PRLR: variants seen among roughly 807,000 people sequenced by gnomAD.
The protein encoded by PRLR is hPRL receptor.
A neutral mutation model predicts 40.2 loss-of-function variants in PRLR; 13 were observed. That is an observed-to-expected ratio of 0.32 (90% CI 0.21 to 0.51). PRLR has a LOEUF of 0.51. Ranked by LOEUF, PRLR falls within the 20% of genes least tolerant of loss-of-function variation. The pLI is 0.97. For synonymous variants in PRLR, 269 were observed against 278.7 expected (o/e 0.97, Z 0.35); for missense variants, 656 against 747.3 (o/e 0.88, Z 1.42).
intron 1 of PRLR, among the ~76,000 whole-genome samples, chr5:35,171,325 T>G (rs1579760567): frequency 6.6e-6 from 1 of 152,218 alleles, no homozygotes; most frequent in South Asian, 2.1e-4. Flanking sequence ...TCCAGAGAAA[T>G]TTACCATTGG....
intron 2 of PRLR, among the ~76,000 whole-genome samples, chr5:35,106,320 A>G (rs1298143167): frequency 6.6e-6 from 1 of 152,232 alleles, no homozygotes; most frequent in African/African-American, 2.4e-5. Flanking sequence ...TGCATCAACT[A>G]ATAAGCAAAA....
rs4331870 is a variant in PRLR at position 35,143,536 on chromosome 5, A to C, written c.-105-25414T>G. Among the ~76,000 whole-genome samples, 309 of 152,248 alleles carry C rather than the reference A, an allele frequency of 2.0e-3. 10 individuals carry two copies. In the East Asian group the frequency reaches 0.052, roughly 26 times the overall value. On this transcript the variant is annotated intron_variant, in intron 1 of 9. Transcript: ENST00000618457. The stretch of plus-strand genomic sequence containing the variant: ...AAACCTCGTTTGTTTTCTTCATGGC[A>C]CATATTGCAATTTCTAGTTATCTGG...
intron 1 of PRLR, among the ~76,000 whole-genome samples, chr5:35,206,601 C>T (rs1776027547): frequency 6.6e-6 from 1 of 151,980 alleles, no homozygotes; most frequent in Admixed American, 6.6e-5. Flanking sequence ...TCAAAGATAA[C>T]ATTTCATTTT....
chr5:35,211,804 G>C (rs1041998771), intron 1 of PRLR, among the ~76,000 whole-genome samples: 2 of 152,158 alleles, frequency 1.3e-5, no homozygotes, highest in Admixed American at 1.3e-4. Flanking sequence ...TATGATACCA[G>C]ATTCATAAAA....
intron 1 of PRLR, among the ~76,000 whole-genome samples, chr5:35,228,719 GGA>G (rs1346451501): frequency 6.6e-6 from 1 of 152,148 alleles, no homozygotes; most frequent in South Asian, 2.1e-4. Flanking sequence ...GTAGAGCTCT[GGA>G]GAGAGCATGT....
intron 2 of PRLR, among the ~76,000 whole-genome samples, chr5:35,091,947 C>T (rs1771239582): frequency 6.6e-6 from 1 of 152,156 alleles, no homozygotes; most frequent in African/African-American, 2.4e-5. Flanking sequence ...TTAAGATCAA[C>T]ATGCTATAAA....
At chr5:35,122,498 C>T (rs187340814) in intron 1 of PRLR, among the ~76,000 whole-genome samples, 1 of 152,250 alleles carries the variant, frequency 6.6e-6, no homozygotes, top group Admixed American at 6.5e-5. Flanking sequence ...TGAGAACATG[C>T]GGTGTTTGGT....
In PRLR at chr5:35,058,585, T is replaced by C. The variant is rs565243215; in HGVS notation, c.*6504A>G. On this transcript the variant is annotated 3_prime_UTR_variant, in exon 10 of 10. Transcript: ENST00000618457. ...CAAAGATTAGGAAAAAATTAGTACA[T>C]TCACGCTTTCAACAGAAATACATTA... 1 of 152,348 alleles carries C rather than the reference T, an allele frequency of 6.6e-6. No homozygotes were observed. Among genetic ancestry groups the C allele is most frequent in the Admixed American group, 6.5e-5 (1 of 15,308 alleles). The allele number at this position is 152,348 out of a possible 1,614,324, so 9.4% of individuals were successfully genotyped here.
At position 35,065,453 on chromosome 5, in the gene PRLR, C is replaced by T. The variant is rs780937571; in HGVS notation, c.1505G>A (p.Gly502Asp). The part of the protein sequence containing the change: ...WLLPQEKTPF[G>D]SAKPLDYVEI... ...CACATAATCCAAGGGTTTAGCGGAG[C>T]CAAAGGGGGTTTTCTCCTGGGGCAG... is the stretch of plus-strand genomic sequence containing the variant. Residue 502 changes from glycine to aspartate, a missense_variant, in exon 10 of 10, where the codon GGC becomes GAC. Coordinates refer to ENST00000618457, the MANE Select transcript of PRLR (RefSeq NM_000949.7). The T allele has an allele frequency of 1.9e-6, 3 of 1,614,110 alleles. No homozygotes were observed. In the East Asian group the frequency reaches 6.7e-5, roughly 36 times the overall value.
chr5:35,188,948 A>G (rs1775521367), intron 1 of PRLR, among the ~76,000 whole-genome samples: 1 of 152,168 alleles, frequency 6.6e-6, no homozygotes, highest in African/African-American at 2.4e-5. Context: ...TTGAAATCCC[A>G]ACACCCAGGA....
intron 1 of PRLR, among the ~76,000 whole-genome samples, chr5:35,207,277 T>C (rs1409378870): frequency 6.6e-6 from 1 of 152,136 alleles, no homozygotes; most frequent in Non-Finnish European, 1.5e-5. Flanking sequence ...TATAATTAAC[T>C]ATGAACACTT....
intron 1 of PRLR, among the ~76,000 whole-genome samples, chr5:35,184,456 G>T (rs1382255485): frequency 6.6e-6 from 1 of 152,172 alleles, no homozygotes; most frequent in East Asian, 1.9e-4. Flanking sequence ...AGAGGTTGCA[G>T]CAGTGAGCCG....
At chr5:35,102,119 C>G (rs1216039595) in intron 2 of PRLR, among the ~76,000 whole-genome samples, 2 of 152,066 alleles carry the variant, frequency 1.3e-5, no homozygotes, top group African/African-American at 4.8e-5. Context: ...TGAGCCACCA[C>G]GCCCGGCCAA....
chr5:35,221,756 A>G (rs1776426764), intron 1 of PRLR, among the ~76,000 whole-genome samples: 1 of 152,222 alleles, frequency 6.6e-6, no homozygotes, highest in African/African-American at 2.4e-5. Context: ...ACACTGTTTA[A>G]GAGGCTTGCT....
chr5:35,105,334 A>G (rs1339922800), intron 2 of PRLR, among the ~76,000 whole-genome samples: 8 of 152,258 alleles, frequency 5.3e-5, no homozygotes, highest in Non-Finnish European at 1.0e-4. Context: ...AAAGGAATGC[A>G]GCTCCTCGCC....
intron 6 of PRLR, among the ~76,000 whole-genome samples, chr5:35,071,789 T>C (rs1769757669): frequency 6.6e-6 from 1 of 151,946 alleles, no homozygotes; most frequent in African/African-American, 2.4e-5. Flanking sequence ...CAGTAGAGAC[T>C]GGGTTTTGCC....
intron 1 of PRLR, among the ~76,000 whole-genome samples, chr5:35,118,969 T>G (rs1320238731): frequency 6.6e-6 from 1 of 152,126 alleles, no homozygotes; most frequent in African/African-American, 2.4e-5. Flanking sequence ...GAAGTTTTTG[T>G]ATTTTTAGTA....
chr5:35,132,847 G>T (rs571013692), intron 1 of PRLR, among the ~76,000 whole-genome samples: 1 of 152,296 alleles, frequency 6.6e-6, no homozygotes, highest in Non-Finnish European at 1.5e-5. Flanking sequence ...TGGGTTAAGG[G>T]ATGCCCAGAT....
chr5:35,155,373 T>C (rs1346038709), intron 1 of PRLR, among the ~76,000 whole-genome samples: 1 of 152,018 alleles, frequency 6.6e-6, no homozygotes, highest in Non-Finnish European at 1.5e-5. Flanking sequence ...TTAATTTGTA[T>C]ACACATGCAA....
Sources: gnomAD v4.1 joint callset for allele counts (sites outside exome capture counted in the v4.1 genomes callset) on GRCh38, gnomAD v4.1.1 for gene constraint, MANE v1.5 for transcripts, NCBI Gene and HGNC (gene_info 2026-07-23, HGNC 2026-07-21) for gene names.